The following NTN4 variants were observed in gnomAD, a reference collection of about 807,000 sequenced individuals.
The protein encoded by NTN4 is netrin 4.
NTN4 carries 32 observed loss-of-function variants against 73.6 expected under a neutral mutation model. The observed-to-expected ratio is 0.44, with a 90% CI of 0.33 to 0.58. The LOEUF is 0.58. NTN4 is among the 20% of genes least tolerant of loss of function. NTN4 has a pLI of 0.04. For synonymous variants in NTN4, 258 were observed against 287.5 expected, an observed-to-expected ratio of 0.90 and a Z score of 1.04; for missense variants, 654 against 798.3, an observed-to-expected ratio of 0.82 and a Z score of 2.18.
chr12:95,739,304 C>T (rs558657370), intron 2 of NTN4, among the ~76,000 whole-genome samples: 80 of 152,058 alleles, frequency 5.3e-4, no homozygotes, highest in Non-Finnish European at 9.9e-4. Flanking sequence ...TAAGAAATAA[C>T]GGATTAACCG....
At chr12:95,713,093 T>C in intron 4 of NTN4, 119 bp downstream of exon 4, 2 of 1,213,442 alleles carry the variant, frequency 1.6e-6, no homozygotes, top group Non-Finnish European at 1.1e-6. Context: ...GCTATGTTTG[T>C]GTAGGGTCTA....
In NTN4 at chr12:95,722,751, G is replaced by T. The variant is rs1042849055; in HGVS notation, c.865-9413C>A. 9.9e-5 allele frequency among the ~76,000 whole-genome samples: 15 copies of T among 152,152 alleles called. 1 individual carries two copies. Among genetic ancestry groups the T allele is most frequent in the Admixed American group, 8.5e-4 (13 of 15,276 alleles). On this transcript the variant is annotated intron_variant, in intron 3 of 9. Coordinates refer to ENST00000343702, the MANE Select transcript of NTN4 (RefSeq NM_021229.4). ...GCACTTTGGGAGGCCAAGGCGGGCAGATCACTTGAGGTCAGGATTTCGAGA... is the reference window on the plus strand; with the variant it reads ...GCACTTTGGGAGGCCAAGGCGGGCATATCACTTGAGGTCAGGATTTCGAGA...
At chr12:95,768,510 C>T (rs4237913) in intron 2 of NTN4, among the ~76,000 whole-genome samples, 129,252 of 151,800 alleles carry the variant, frequency 0.85, 55,042 homozygotes, top group South Asian at 0.92. Context: ...TCCAAGCAGC[C>T]CAACAGATCC....
intron 5 of NTN4, among the ~76,000 whole-genome samples, chr12:95,703,425 G>A (rs2078501154): frequency 6.6e-6 from 1 of 152,074 alleles, no homozygotes; most frequent in Admixed American, 6.6e-5. Flanking sequence ...ATATAGATAT[G>A]GCCAGTATAA....
At chr12:95,672,434 C>T (rs1290842808) in intron 7 of NTN4, 4 of 1,331,656 alleles carry the variant, frequency 3.0e-6, no homozygotes, top group Admixed American at 1.7e-5. Flanking sequence ...GGCGGGCAGG[C>T]GCTGCTAGAT....
intron 7 of NTN4, among the ~76,000 whole-genome samples, chr12:95,678,068 C>T (rs2078286956): frequency 6.6e-6 from 1 of 152,048 alleles, no homozygotes; most frequent in Non-Finnish European, 1.5e-5. Context: ...CCATCATTCT[C>T]AGCAAACTAA....
At chr12:95,766,744 C>T (rs767956130) in intron 2 of NTN4, among the ~76,000 whole-genome samples, 7 of 152,140 alleles carry the variant, frequency 4.6e-5, no homozygotes, top group Non-Finnish European at 8.8e-5. Flanking sequence ...CTTGCCTAGA[C>T]GGGAAGACAG....
In NTN4 at chr12:95,710,560, C is replaced by T. The variant is rs148021049; in HGVS notation, c.1061G>A (p.Arg354His). Residue 354 changes from arginine to histidine, a missense_variant, in exon 5 of 10, where the codon CGT (arginine) becomes CAT (histidine). Transcript: ENST00000343702. ...ACAGTCATCACAGACACCACCACTA[C>T]GATTCCCTGATGCCTCCCACACATT... is the stretch of plus-strand genomic sequence containing the variant. Reference protein sequence around the residue: ...DVNVWEASGNRSGGVCDDCQH... With the variant: ...DVNVWEASGNHSGGVCDDCQH... 227 of 1,614,164 alleles carry T rather than the reference C, an allele frequency of 1.4e-4. No individual in the cohort carries two copies. The highest frequency in any genetic ancestry group is 4.0e-5 in the African/African-American group (3 of 75,040).
chr12:95,691,278 C>T (rs1213081508), intron 5 of NTN4, among the ~76,000 whole-genome samples: 8 of 152,112 alleles, frequency 5.3e-5, no homozygotes, highest in African/African-American at 1.9e-4. Flanking sequence ...TTCCCCAACA[C>T]ATATTTCTTA....
intron 2 of NTN4, chr12:95,740,135 T>A (rs2078813020): frequency 6.6e-6 from 1 of 152,166 alleles, no homozygotes; most frequent in Non-Finnish European, 1.5e-5. Context: ...GAACGGGAAT[T>A]TAAACCATGA....
At chr12:95,714,215 TTAA>T (rs1237587062) in intron 3 of NTN4, among the ~76,000 whole-genome samples, 2 of 152,166 alleles carry the variant, frequency 1.3e-5, no homozygotes, top group South Asian at 2.1e-4. Context: ...CTTCTAAAAA[TTAA>T]TGTTTGGAAT....
chr12:95,682,670 G>C, intron 7 of NTN4, 37 bp downstream of exon 7: 1 of 1,421,330 alleles, frequency 7.0e-7, no homozygotes, highest in Non-Finnish European at 9.9e-7. Flanking sequence ...CATAAGACCA[G>C]ACCTGAAAAT....
At position 95,732,238 on chromosome 12, in the gene NTN4, CTCTGTCTT is replaced by C. The variant is rs756286340; in HGVS notation, c.864+5620_864+5627del. 1.5e-3 allele frequency among the ~76,000 whole-genome samples: 215 copies of C among 142,306 alleles called. 1 individual carries two copies. The highest frequency in any genetic ancestry group is 2.1e-3 in the Non-Finnish European group (135 of 63,980). 93.4% of individuals were successfully genotyped at this position (142,306 alleles called of 152,430 possible). ...TCTCCCTTTCTCTCTTTCTTTCTTT[CTCTGTCTT>C]TCTTTCTTTCTCTCCTTTCTTTCTC... On this transcript the variant is annotated intron_variant, in intron 3 of 9. Coordinates refer to ENST00000343702, the MANE Select transcript of NTN4 (RefSeq NM_021229.4).
At chr12:95,701,765 A>G (rs779043929) in intron 5 of NTN4, among the ~76,000 whole-genome samples, 7 of 152,220 alleles carry the variant, frequency 4.6e-5, no homozygotes, top group Non-Finnish European at 1.0e-4. Flanking sequence ...AAAATCTCCT[A>G]GAACATTCGT....
chr12:95,667,733 G>A (rs1463872382), intron 8 of NTN4, among the ~76,000 whole-genome samples: 1 of 152,050 alleles, frequency 6.6e-6, no homozygotes, highest in African/African-American at 2.4e-5. Flanking sequence ...GGTGGTGCAT[G>A]CTTGTAGTCC....
Position 95,789,211 on chromosome 12 carries a change from T to C in NTN4, c.55+1044A>G, listed in dbSNP as rs374959286. Among the ~76,000 whole-genome samples the C allele has an allele frequency of 4.6e-5, 7 of 152,326 alleles. No homozygotes were observed. In the South Asian group the frequency reaches 1.4e-3, roughly 32 times the overall value. ...TCCTGTGACTTGGACTGGTTTGGGATGCAGACTGGAAAGCCTGGATTTTGC... is the reference window on the plus strand; with the variant it reads ...TCCTGTGACTTGGACTGGTTTGGGACGCAGACTGGAAAGCCTGGATTTTGC... On this transcript the variant is annotated intron_variant, in intron 1 of 9. Transcript: ENST00000343702. This position sits in a 1 kb window ranked among gnomAD's most constrained non-coding sequence, Gnocchi z 4.0.
At chr12:95,742,151 C>T (rs1211767639) in intron 2 of NTN4, among the ~76,000 whole-genome samples, 2 of 152,006 alleles carry the variant, frequency 1.3e-5, no homozygotes, top group Non-Finnish European at 2.9e-5. Context: ...GTGAAAATGA[C>T]CTATATGATC....
Position 95,787,509 on chromosome 12 carries a change from C to T in NTN4, c.56-41G>A, listed in dbSNP as rs777752423. 5.7e-6 allele frequency: 9 copies of T among 1,584,888 alleles called. No homozygotes were observed. In the East Asian group the frequency reaches 1.1e-4, roughly 20 times the overall value. On this transcript the variant is annotated intron_variant, in intron 1 of 9. Coordinates refer to ENST00000343702, the MANE Select transcript of NTN4 (RefSeq NM_021229.4). ...CATGCATGATGCAAGACAAACCCAT[C>T]TGGAAAGCTCTTTTGGCCACCTAGT...
intron 7 of NTN4, among the ~76,000 whole-genome samples, chr12:95,680,872 C>A (rs988298823): frequency 3.3e-5 from 5 of 152,032 alleles, no homozygotes; most frequent in African/African-American, 1.2e-4. Context: ...CGCCACCAAG[C>A]CTGGCTACCA....
Sources: allele counts gnomAD v4.1 joint callset (sites outside exome capture counted in the v4.1 genomes callset), GRCh38; gene constraint gnomAD v4.1.1; non-coding constraint Gnocchi (gnomAD v3.1); transcripts MANE v1.5; gene names NCBI Gene and HGNC (gene_info 2026-07-23, HGNC 2026-07-21).